RFC1: variants seen among roughly 807,000 people sequenced by gnomAD.
RFC1 encodes A1 140 kDa subunit.
RFC1 carries 37 observed loss-of-function variants against 137.4 expected under a neutral mutation model. The ratio of observed to expected loss-of-function variants is 0.27; its 90% CI spans 0.21 to 0.35. The LOEUF is 0.35. Among genes scored for constraint, RFC1 ranks in the 10% least tolerant of loss-of-function variants. RFC1 has a pLI of 1.00. For synonymous variants in RFC1, 429 were observed against 455.7 expected (o/e 0.94, Z 0.75); for missense variants, 1,205 against 1,358.5 (o/e 0.89, Z 1.78).
chr4:39,345,600 A>AAGCTCCG, intron 2 of RFC1, 124 bp from the exon 3 acceptor site: 1 of 658,930 alleles, frequency 1.5e-6, no homozygotes, highest in Non-Finnish European at 2.5e-6. Flanking sequence ...GGCTCACTGC[A>AAGCTCCG]AGCTCCGCCT....
At position 39,288,474 on chromosome 4, in the gene RFC1, C is replaced by T. The variant is rs1737489954; in HGVS notation, c.*287G>A. ...TTAACTAAAATCTGACTCCAAAGCC[C>T]AGGTGTAGTTTCTAGTTCCAATTCT... On this transcript the variant is annotated 3_prime_UTR_variant, in exon 25 of 25. Coordinates refer to ENST00000349703, the MANE Select transcript of RFC1 (RefSeq NM_002913.5). 2 of 257,528 alleles carry T rather than the reference C, an allele frequency of 7.8e-6. No homozygotes were observed. The highest frequency in any genetic ancestry group is 1.5e-5 in the Non-Finnish European group (2 of 137,324). The allele number at this position is 257,528 out of a possible 1,614,324, so 16.0% of individuals were successfully genotyped here.
At chr4:39,345,064 T>C (rs1205063013) in intron 3 of RFC1, among the ~76,000 whole-genome samples, 2 of 152,160 alleles carry the variant, frequency 1.3e-5, no homozygotes, top group African/African-American at 4.8e-5. Flanking sequence ...CTACCCAGAT[T>C]GGAGTGCAGT....
At chr4:39,334,744 C>T (rs146629313) in intron 4 of RFC1, among the ~76,000 whole-genome samples, 169 of 152,100 alleles carry the variant, frequency 1.1e-3, no homozygotes, top group African/African-American at 3.9e-3. Flanking sequence ...TTAGATTTTC[C>T]CTCTAGGATA....
rs139270606 is a variant in RFC1 at position 39,318,470 on chromosome 4, T to C, written c.1096-1448A>G. Among the ~76,000 whole-genome samples, 81 of 152,320 alleles carry C rather than the reference T, an allele frequency of 5.3e-4. 1 individual carries two copies. Among genetic ancestry groups the C allele is most frequent in the African/African-American group, 1.8e-3 (76 of 41,570 alleles). ...ATGGTAAACAGCGTATACAATAACT[T>C]TGAAGGACACCCACTTTATGAAGTC... On this transcript the variant is annotated intron_variant, in intron 9 of 24. Coordinates refer to ENST00000349703, the MANE Select transcript of RFC1 (RefSeq NM_002913.5).
chr4:39,303,988 A>G (rs189377323), intron 15 of RFC1, among the ~76,000 whole-genome samples: 346 of 152,338 alleles, frequency 2.3e-3, no homozygotes, highest in African/African-American at 7.5e-3. Flanking sequence ...AATAATAGCT[A>G]AATTCCAGCA....
At chr4:39,364,948 T>TCCAAGC (rs1183444508) in intron 1 of RFC1, among the ~76,000 whole-genome samples, 1 of 151,880 alleles carries the variant, frequency 6.6e-6, no homozygotes, top group African/African-American at 2.4e-5. Flanking sequence ...TCTTCAAGAC[T>TCCAAGC]CCAAGTCTCA....
chr4:39,353,394 T>C (rs1190655695), intron 1 of RFC1, among the ~76,000 whole-genome samples: 3 of 7,148 alleles, frequency 4.2e-4, no homozygotes, highest in African/African-American at 5.7e-4. Context: ...AACGAGACTG[T>C]CTCAAAAAAA....
At chr4:39,340,680 T>C (rs866760727) in intron 4 of RFC1, among the ~76,000 whole-genome samples, 20 of 152,326 alleles carry the variant, frequency 1.3e-4, no homozygotes, top group Middle Eastern at 6.8e-3. Context: ...TGTGGGCTTT[T>C]TTTAATAGTC....
At chr4:39,335,851 G>A (rs187919519) in intron 4 of RFC1, among the ~76,000 whole-genome samples, 9 of 152,266 alleles carry the variant, frequency 5.9e-5, no homozygotes, top group Non-Finnish European at 1.2e-4. Context: ...CCAAGTATAA[G>A]TCATTTTGTA....
chr4:39,321,215 T>C, intron 8 of RFC1, 72 bp downstream of exon 8: 1 of 1,173,892 alleles, frequency 8.5e-7, no homozygotes, highest in South Asian at 1.3e-5. Context: ...AATAGGATAC[T>C]TAAACAAGAT....
At chr4:39,356,863 T>C (rs559859943) in intron 1 of RFC1, among the ~76,000 whole-genome samples, 1 of 152,338 alleles carries the variant, frequency 6.6e-6, no homozygotes, top group Non-Finnish European at 1.5e-5. Flanking sequence ...AAAACTTCTC[T>C]GAGGAAAACA....
intron 4 of RFC1, 110 bp from the exon 5 acceptor site, chr4:39,327,866 T>C: frequency 1.2e-6 from 1 of 831,618 alleles, no homozygotes; most frequent in Non-Finnish European, 1.8e-6. Context: ...ACATGGTGGC[T>C]CATGCTTGTA....
rs1190631383 is a variant in RFC1 at position 39,288,804 on chromosome 4, T to C, written c.3401A>G (p.Asp1134Gly). Residue 1134 changes from aspartate to glycine, a missense_variant, in exon 25 of 25, where the codon GAT (aspartate) becomes GGT (glycine). Physicochemically the swap from Asp to Gly is moderately conservative, Grantham distance 94. Transcript: ENST00000349703. ...TCCTTTTCCTTTTCTGGGCTCCTTATCTTTTTCTGGTTTTGAAGGCTTTGA... is the reference window on the plus strand; with the variant it reads ...TCCTTTTCCTTTTCTGGGCTCCTTACCTTTTTCTGGTTTTGAAGGCTTTGA... ...KSSKPSKPEK[D>G]KEPRKGKGKS... 2 of 1,613,050 alleles carry C rather than the reference T, an allele frequency of 1.2e-6. No individual in the cohort carries two copies.
Position 39,312,951 on chromosome 4 carries a change from A to G in RFC1, c.1204-20T>C. 6.4e-7 allele frequency: 1 copy of G among 1,573,844 alleles called. No individual in the cohort carries two copies. The highest frequency in any genetic ancestry group is 2.3e-5 in the East Asian group (1 of 43,990). On this transcript the variant is annotated intron_variant, in intron 10 of 24. Coordinates refer to ENST00000349703, the MANE Select transcript of RFC1 (RefSeq NM_002913.5). ...AGCTCCCTAAAAACCAAAATGTTCA[A>G]GCAGAGAGGAAATTACATGGTAGCT...
At chr4:39,306,488 C>CCACACACA in intron 14 of RFC1, 104 bp downstream of exon 14, 1 of 585,632 alleles carries the variant, frequency 1.7e-6, no homozygotes, top group East Asian at 3.0e-5. Flanking sequence ...TATATAGACA[C>CCACACACA]CACACACACA....
chr4:39,348,895 G>C (rs1741044366), intron 2 of RFC1, among the ~76,000 whole-genome samples: 1 of 152,198 alleles, frequency 6.6e-6, no homozygotes, highest in Admixed American at 6.5e-5. Context: ...TATTTTCAAG[G>C]CTTATGTTCT....
In RFC1 at chr4:39,320,504, T is replaced by G; in HGVS notation, c.974A>C (p.Lys325Thr). 1 of 1,611,822 alleles carries G rather than the reference T, an allele frequency of 6.2e-7. No homozygotes were observed. Among genetic ancestry groups the G allele is most frequent in the Non-Finnish European group, 8.5e-7 (1 of 1,179,500 alleles). ...TATTTCTTTATAAGAGCTCTCTTCTTTTCTTTTCATAATTGCCAGCTTAGA... is the reference window on the plus strand; with the variant it reads ...TATTTCTTTATAAGAGCTCTCTTCTGTTCTTTTCATAATTGCCAGCTTAGA... ...ASSKLAIMKR[K>T]EESSYKEIEP... is the part of the protein sequence containing the mutation. Residue 325 changes from lysine to threonine, a missense_variant, in exon 9 of 25, where the codon AAA becomes ACA. By Grantham distance (78) the Lys-to-Thr change is moderately conservative. This residue lies in a region of RFC1 where 962 missense variants were observed against 1,035.3 expected (regional missense o/e 0.93). Transcript: ENST00000349703.
intron 10 of RFC1, among the ~76,000 whole-genome samples, chr4:39,315,892 G>A (rs1009904091): frequency 2.0e-5 from 3 of 152,118 alleles, no homozygotes; most frequent in Non-Finnish European, 1.5e-5. Context: ...CAGCCAGAGC[G>A]ATCTTTCAGA....
rs187324672 is a variant in RFC1 at position 39,303,321 on chromosome 4, C to T, written c.2111-170G>A. ...AAGAAAAAAAAAAAAAAAGAATATGCAGAGAAGAGAAACTCTCCCTGCCAC... is the reference window on the plus strand; with the variant it reads ...AAGAAAAAAAAAAAAAAAGAATATGTAGAGAAGAGAAACTCTCCCTGCCAC... On this transcript the variant is annotated intron_variant, in intron 15 of 24. Transcript: ENST00000349703. 276 of 591,402 alleles carry T rather than the reference C, an allele frequency of 4.7e-4. 1 individual carries two copies. The African/African-American group carries it at 4.9e-3, about 10-fold the overall frequency. The allele number at this position is 591,402 out of a possible 1,614,324, so 36.6% of individuals were successfully genotyped here. A position where few individuals can be genotyped will look rare whatever the true frequency, so the allele number is the denominator to read the frequency against.
Sources: gnomAD v4.1 joint callset for allele counts (sites outside exome capture counted in the v4.1 genomes callset) on GRCh38, gnomAD v4.1.1 for gene constraint, gnomAD v4.1.1 regional missense constraint, MANE v1.5 for transcripts, NCBI Gene and HGNC (gene_info 2026-07-23, HGNC 2026-07-21) for gene names.